Variants in MCC observed in about 807,000 individuals in gnomAD.
The protein encoded by MCC is MCC regulator of Wnt signaling pathway, also known as colorectal mutant cancer protein.
In MCC, 90 loss-of-function variants were observed where a neutral mutation model predicts 116.2. That is an observed-to-expected ratio of 0.77 (90% CI 0.65 to 0.92). The LOEUF is 0.92. Ranked by LOEUF, MCC falls within the 40% of genes least tolerant of loss-of-function variation. MCC has a pLI of 0.00. For missense variants in MCC, 1,516 were observed against 1,312.2 expected (o/e 1.16, Z -2.40); for synonymous variants, 578 against 510.5 (o/e 1.13, Z -1.78).
intron 3 of MCC, among the ~76,000 whole-genome samples, chr5:113,180,865 CAA>C (rs1761592441): frequency 6.6e-6 from 1 of 152,026 alleles, no homozygotes; most frequent in Non-Finnish European, 1.5e-5. Context: ...ATCAGAAAAA[CAA>C]AATAATTACG....
chr5:113,085,361 G>A, intron 8 of MCC, 51 bp from the exon 9 acceptor site: 8 of 1,546,854 alleles, frequency 5.2e-6, no homozygotes, highest in Non-Finnish European at 7.0e-6. Flanking sequence ...TGGCTAAAGA[G>A]CAAAACAGCC....
chr5:113,488,380 C>T lies in MCC; in HGVS notation c.35G>A (p.Ser12Asn). 1.4e-6 allele frequency: 2 copies of T among 1,451,710 alleles called. No individual in the cohort carries two copies. The highest frequency in any genetic ancestry group is 1.8e-6 in the Non-Finnish European group (2 of 1,112,376). 89.9% of individuals were successfully genotyped at this position (1,451,710 alleles called of 1,614,324 possible). A position where few individuals can be genotyped will look rare whatever the true frequency, so the allele number is the denominator to read the frequency against. The part of the protein sequence containing the change: ...MAAAAAAAAG[S>N]SSSGGGGGGS... ...GCCGCCGCCGCCGCCGCTGCTGGAG[C>T]TCCCCGCAGCCGCTGCCGCCGCGGC... is the stretch of plus-strand genomic sequence containing the variant. Residue 12 changes from serine (S) to asparagine (N), a missense_variant, in exon 1 of 19, where the codon AGC becomes AAC. Coordinates refer to ENST00000408903, the MANE Select transcript of MCC (RefSeq NM_001085377.2).
chr5:113,129,517 G>A (rs1222561367), intron 5 of MCC, among the ~76,000 whole-genome samples: 1 of 152,164 alleles, frequency 6.6e-6, no homozygotes, highest in East Asian at 1.9e-4. Flanking sequence ...GTCCAGCATG[G>A]CTGCTTTCTG....
At position 113,130,978 on chromosome 5, in the gene MCC, A is replaced by G. The variant is rs552887651; in HGVS notation, c.885-8152T>C. On this transcript the variant is annotated intron_variant, in intron 5 of 18. Coordinates refer to ENST00000408903, the MANE Select transcript of MCC (RefSeq NM_001085377.2). ...TTCTCTCCCAAAGGCCTCATCTCCA[A>G]ATACCATCACAATAGGGGCTAGGGC... Among the ~76,000 whole-genome samples the G allele has an allele frequency of 1.1e-4, 16 of 152,294 alleles. No homozygotes were observed. In the East Asian group the frequency reaches 1.5e-3, roughly 15 times the overall value.
At chr5:113,471,903 G>A (rs140286209) in intron 1 of MCC, among the ~76,000 whole-genome samples, 31,093 of 151,762 alleles carry the variant, frequency 0.2, 3,658 homozygotes, top group Admixed American at 0.33. Context: ...CTTGCAGTTT[G>A]ATCTCAGACT....
At position 113,025,345 on chromosome 5, in the gene MCC, T is replaced by G. The variant is rs1750462872; in HGVS notation, c.*1957A>C. 1 of 151,564 alleles carries G rather than the reference T, an allele frequency of 6.6e-6. No individual in the cohort carries two copies. Among genetic ancestry groups the G allele is most frequent in the Admixed American group, 6.6e-5 (1 of 15,228 alleles). 9.4% of individuals were successfully genotyped at this position (151,564 alleles called of 1,614,324 possible). A position where few individuals can be genotyped will look rare whatever the true frequency, so the allele number is the denominator to read the frequency against. ...GAAAAATTCTAAAAAATCACAGGAA[T>G]GGCCAGGCACATTGGCTCATGCCTG... On this transcript the variant is annotated 3_prime_UTR_variant, in exon 19 of 19. Transcript: ENST00000408903.
chr5:113,264,958 C>T (rs751823383), intron 3 of MCC, among the ~76,000 whole-genome samples: 12 of 152,226 alleles, frequency 7.9e-5, no homozygotes, highest in Non-Finnish European at 1.5e-4. Context: ...AGGAGAATCG[C>T]TTAACTTGGG....
intron 17 of MCC, among the ~76,000 whole-genome samples, chr5:113,035,443 T>G (rs1371146007): frequency 2.0e-5 from 3 of 152,226 alleles, no homozygotes; most frequent in African/African-American, 7.2e-5. Context: ...GCAGCCCAGG[T>G]AACATTTCAC....
At chr5:113,167,207 T>C (rs1470331338) in intron 3 of MCC, among the ~76,000 whole-genome samples, 2 of 152,218 alleles carry the variant, frequency 1.3e-5, no homozygotes, top group African/African-American at 4.8e-5. Flanking sequence ...TCTTTTCATG[T>C]GGCAAAGAAA....
At chr5:113,488,006 C>A (rs1391968566) in intron 1 of MCC, among the ~76,000 whole-genome samples, 2 of 152,102 alleles carry the variant, frequency 1.3e-5, no homozygotes, top group African/African-American at 4.8e-5. Flanking sequence ...TCTCCCAACG[C>A]CTAGACAAAG....
intron 17 of MCC, among the ~76,000 whole-genome samples, chr5:113,040,917 T>G (rs1485181144): frequency 2.6e-5 from 4 of 152,178 alleles, no homozygotes; most frequent in Non-Finnish European, 5.9e-5. Context: ...CCTCTGAGGT[T>G]TGGGGAATTT....
intron 3 of MCC, among the ~76,000 whole-genome samples, chr5:113,244,187 C>A (rs1170655038): frequency 6.6e-6 from 1 of 152,170 alleles, no homozygotes; most frequent in Non-Finnish European, 1.5e-5. Context: ...CCTCTCTCAC[C>A]CCCAAATAGC....
At chr5:113,278,862 T>G (rs750746637) in intron 3 of MCC, among the ~76,000 whole-genome samples, 1 of 152,252 alleles carries the variant, frequency 6.6e-6, no homozygotes, top group Non-Finnish European at 1.5e-5. Flanking sequence ...CTTTAATAAC[T>G]GCCTTCATTC....
chr5:113,282,928 C>G (rs1356275672), intron 3 of MCC, among the ~76,000 whole-genome samples: 1 of 152,248 alleles, frequency 6.6e-6, no homozygotes, highest in Non-Finnish European at 1.5e-5. Flanking sequence ...TCTTTGAAGA[C>G]TGTGAAATCA....
chr5:113,261,723 G>C (rs187471601), intron 3 of MCC, among the ~76,000 whole-genome samples: 4 of 152,264 alleles, frequency 2.6e-5, no homozygotes, highest in South Asian at 4.1e-4. Flanking sequence ...AATCAACATG[G>C]AAGAAATGAA....
At chr5:113,049,634 A>G (rs1752357037) in intron 15 of MCC, among the ~76,000 whole-genome samples, 1 of 152,236 alleles carries the variant, frequency 6.6e-6, no homozygotes, top group South Asian at 2.1e-4. Flanking sequence ...GCCTTGATGG[A>G]AACCCATTCT....
intron 17 of MCC, among the ~76,000 whole-genome samples, chr5:113,030,451 T>G (rs533804656): frequency 3.3e-5 from 5 of 152,160 alleles, no homozygotes; most frequent in Admixed American, 6.5e-5. Flanking sequence ...GGCCAAGGAA[T>G]GTGGATTACT....
At chr5:113,045,799 C>CAAAA (rs70973664) in intron 16 of MCC, among the ~76,000 whole-genome samples, 13 of 131,308 alleles carry the variant, frequency 9.9e-5, no homozygotes, top group Admixed American at 5.4e-4. Context: ...AACTCCATCT[C>CAAAA]AAAAAAAAAA....
At chr5:113,190,737 G>A (rs536703879) in intron 3 of MCC, among the ~76,000 whole-genome samples, 1 of 152,342 alleles carries the variant, frequency 6.6e-6, no homozygotes, top group Middle Eastern at 3.4e-3. Flanking sequence ...GTGGTGCCAG[G>A]AGAACCCAGG....
Sources: allele counts gnomAD v4.1 joint callset (sites outside exome capture counted in the v4.1 genomes callset), GRCh38; gene constraint gnomAD v4.1.1; transcripts MANE v1.5; gene names NCBI Gene and HGNC (gene_info 2026-07-23, HGNC 2026-07-21).